WWOX: variants seen among roughly 807,000 people sequenced by gnomAD.
WWOX encodes the protein WW domain containing oxidoreductase.
In WWOX, 69 loss-of-function variants were observed where a neutral mutation model predicts 46.2. The ratio of observed to expected loss-of-function variants is 1.49; its 90% CI spans 1.23 to 1.82. WWOX has a LOEUF of 1.82. WWOX is among the 40% of genes most tolerant of loss of function. The probability of loss-of-function intolerance (pLI) is 0.00; values close to 1 mark genes in which losing one functional copy is unlikely to be tolerated. For missense variants in WWOX, 919 were observed against 542.6 expected (o/e 1.69, Z -6.89); for synonymous variants, 359 against 202.6 (o/e 1.77, Z -6.56).
chr16:78,585,147 T>A (rs2045164019), intron 8 of WWOX, among the ~76,000 whole-genome samples: 1 of 152,224 alleles, frequency 6.6e-6, no homozygotes, highest in Non-Finnish European at 1.5e-5. Context: ...CAGCGTCAGA[T>A]GTACAAGGCT....
chr16:78,467,595 A>G (rs1378326757), intron 8 of WWOX, among the ~76,000 whole-genome samples: 1 of 152,226 alleles, frequency 6.6e-6, no homozygotes, highest in Non-Finnish European at 1.5e-5. Context: ...CTCGGGGATA[A>G]TGTCTTCATT....
At chr16:78,417,395 T>A (rs60169475) in intron 6 of WWOX, among the ~76,000 whole-genome samples, 2,040 of 152,256 alleles carry the variant, frequency 0.013, 40 homozygotes, top group East Asian at 0.062. Context: ...ATCTGGCCTA[T>A]GTTAGCTATT....
At chr16:78,678,737 G>T (rs141751786) in intron 8 of WWOX, among the ~76,000 whole-genome samples, 215 of 152,288 alleles carry the variant, frequency 1.4e-3, no homozygotes, top group Admixed American at 2.6e-3. Context: ...TGGAAGGGAG[G>T]AACGATAGGA....
Position 79,079,377 on chromosome 16 carries a change from C to G in WWOX, c.1057-132231C>G, listed in dbSNP as rs537894158. ...AAAAAAAATATGACAGAAGTGTCACCCATCCAGCCAGCCAGCCATCAATCC... is the reference window on the plus strand; with the variant it reads ...AAAAAAAATATGACAGAAGTGTCACGCATCCAGCCAGCCAGCCATCAATCC... On this transcript the variant is annotated intron_variant, in intron 8 of 8. Coordinates refer to ENST00000566780, the MANE Select transcript of WWOX (RefSeq NM_016373.4). Among the ~76,000 whole-genome samples, 117 of 152,268 alleles carry G rather than the reference C, an allele frequency of 7.7e-4. 1 individual carries two copies. Among genetic ancestry groups the G allele is most frequent in the Non-Finnish European group, 1.1e-3 (78 of 68,020 alleles).
At chr16:78,957,046 C>T (rs896908628) in intron 8 of WWOX, among the ~76,000 whole-genome samples, 1 of 152,150 alleles carries the variant, frequency 6.6e-6, no homozygotes, top group African/African-American at 2.4e-5. Flanking sequence ...ATAGACTTGC[C>T]TCATGTGACT....
At chr16:78,550,868 A>G (rs1279143981) in intron 8 of WWOX, 1 of 152,172 alleles carries the variant, frequency 6.6e-6, no homozygotes, top group East Asian at 1.9e-4. Context: ...AGGATTAAGA[A>G]AAAAGGAGTA....
At chr16:79,112,977 C>T (rs1024864301) in intron 8 of WWOX, among the ~76,000 whole-genome samples, 1 of 152,336 alleles carries the variant, frequency 6.6e-6, no homozygotes, top group East Asian at 1.9e-4. Context: ...GGTTCATTTT[C>T]TTGCTCATCT....
chr16:79,167,675 A>C (rs183921916), intron 8 of WWOX, among the ~76,000 whole-genome samples: 4 of 152,358 alleles, frequency 2.6e-5, no homozygotes, highest in African/African-American at 9.6e-5. Context: ...ATTCAAATTC[A>C]GGCCACAATG....
At chr16:78,707,429 A>G (rs533871178) in intron 8 of WWOX, among the ~76,000 whole-genome samples, 7 of 152,318 alleles carry the variant, frequency 4.6e-5, no homozygotes, top group Admixed American at 3.3e-4. Flanking sequence ...CACAAGCATC[A>G]GAGGTTCTGG....
intron 8 of WWOX, among the ~76,000 whole-genome samples, chr16:78,512,859 C>T (rs570964257): frequency 6.6e-6 from 1 of 152,292 alleles, no homozygotes; most frequent in East Asian, 1.9e-4. Context: ...GCAGCCCTCC[C>T]ATTGGAATCA....
At chr16:78,148,391 G>T (rs2034281938) in intron 4 of WWOX, among the ~76,000 whole-genome samples, 1 of 152,168 alleles carries the variant, frequency 6.6e-6, no homozygotes. Context: ...AGCACGTGTA[G>T]GGGGTGGAAT....
At chr16:78,736,991 G>C (rs773659943) in intron 8 of WWOX, among the ~76,000 whole-genome samples, 1 of 152,128 alleles carries the variant, frequency 6.6e-6, no homozygotes, top group Non-Finnish European at 1.5e-5. Flanking sequence ...CCAATAAAGA[G>C]ACTAGGTTTG....
chr16:78,648,846 C>G (rs539247342), intron 8 of WWOX, among the ~76,000 whole-genome samples: 3 of 152,174 alleles, frequency 2.0e-5, no homozygotes, highest in African/African-American at 7.2e-5. Context: ...AATAAGTGAC[C>G]TCTATTTGTT....
intron 8 of WWOX, among the ~76,000 whole-genome samples, chr16:78,907,811 A>C (rs770593772): frequency 1.7e-4 from 26 of 152,162 alleles, no homozygotes; most frequent in Non-Finnish European, 2.9e-4. Flanking sequence ...TCCTAGGGAA[A>C]CAGGACTACC....
intron 8 of WWOX, among the ~76,000 whole-genome samples, chr16:78,456,269 G>A (rs977548903): frequency 7.9e-5 from 12 of 152,190 alleles, no homozygotes; most frequent in Non-Finnish European, 1.2e-4. Flanking sequence ...AGAGAGGCTG[G>A]AAGAGTTGAC....
intron 8 of WWOX, among the ~76,000 whole-genome samples, chr16:79,202,209 G>A (rs1307538355): frequency 2.0e-5 from 3 of 152,140 alleles, no homozygotes; most frequent in Non-Finnish European, 4.4e-5. Context: ...CTGGCCCTTT[G>A]CAGAAGTAGT....
intron 8 of WWOX, among the ~76,000 whole-genome samples, chr16:78,818,898 A>T (rs1438947150): frequency 1.3e-5 from 2 of 152,232 alleles, no homozygotes; most frequent in African/African-American, 4.8e-5. Flanking sequence ...GGTTAAGTGT[A>T]CGGCTTAAGA....
At chr16:78,716,401 G>C (rs540771826) in intron 8 of WWOX, among the ~76,000 whole-genome samples, 3 of 152,258 alleles carry the variant, frequency 2.0e-5, no homozygotes, top group East Asian at 3.9e-4. Context: ...AAGCCACCCA[G>C]TGTGCAGTAG....
At chr16:78,870,705 A>G (rs2044108650) in intron 8 of WWOX, among the ~76,000 whole-genome samples, 2 of 152,056 alleles carry the variant, frequency 1.3e-5, no homozygotes, top group Non-Finnish European at 2.9e-5. Context: ...GGGTTCAAGC[A>G]ATTCTCCTGC....
Sources: allele counts gnomAD v4.1 joint callset (sites outside exome capture counted in the v4.1 genomes callset), GRCh38; gene constraint gnomAD v4.1.1; transcripts MANE v1.5; gene names NCBI Gene and HGNC (gene_info 2026-07-23, HGNC 2026-07-21).